Variants in CFAP299 observed in about 807,000 individuals in gnomAD.
CFAP299 encodes the protein cilia- and flagella-associated protein 299.
In CFAP299, 21 loss-of-function variants were observed where a neutral mutation model predicts 27.0. The ratio of observed to expected loss-of-function variants is 0.78; its 90% CI spans 0.55 to 1.12. CFAP299 has a LOEUF of 1.12. Ranked by LOEUF, CFAP299 falls within the 50% of genes most tolerant of loss-of-function variation. The pLI is 0.00. For synonymous variants in CFAP299, 104 were observed against 98.1 expected (o/e 1.06, Z -0.36); for missense variants, 310 against 276.6 (o/e 1.12, Z -0.86).
chr4:80,889,336 G>A (rs1734131135), intron 4 of CFAP299, among the ~76,000 whole-genome samples: 3 of 151,772 alleles, frequency 2.0e-5, no homozygotes, highest in African/African-American at 7.3e-5. Flanking sequence ...AACATTAGTG[G>A]CTACTATGAG....
At chr4:80,586,431 A>C (rs1304932025) in intron 3 of CFAP299, among the ~76,000 whole-genome samples, 2 of 152,128 alleles carry the variant, frequency 1.3e-5, no homozygotes, top group Non-Finnish European at 2.9e-5. Flanking sequence ...ACAGTTGCTT[A>C]TAGATTTTAT....
intron 4 of CFAP299, among the ~76,000 whole-genome samples, chr4:80,941,444 G>C (rs1422223878): frequency 6.6e-6 from 1 of 152,054 alleles, no homozygotes; most frequent in Non-Finnish European, 1.5e-5. Context: ...GGAATATACT[G>C]CATACTAGTT....
At chr4:80,603,795 C>T (rs558226071) in intron 3 of CFAP299, among the ~76,000 whole-genome samples, 2 of 152,238 alleles carry the variant, frequency 1.3e-5, no homozygotes, top group East Asian at 3.9e-4. Context: ...ATGGCTTTAA[C>T]ATATTGTCAA....
In CFAP299 at chr4:80,362,839, A is replaced by G. The variant is rs746828471; in HGVS notation, c.197A>G (p.Lys66Arg). 1.9e-6 allele frequency: 3 copies of G among 1,613,274 alleles called. No individual in the cohort carries two copies. The highest frequency in any genetic ancestry group is 2.5e-6 in the Non-Finnish European group (3 of 1,179,816). Residue 66 changes from lysine (K) to arginine (R), a missense_variant, in exon 2 of 6, where the codon AAA becomes AGA. By Grantham distance (26) the Lys-to-Arg change is conservative (BLOSUM62 2). Transcript: ENST00000358105. ...AAAAGGGAAGATTTTGAAGCAAGGA[A>G]AGCGGCTATAGAGATTGCAAGACTG... ...RVKREDFEAR[K>R]AAIEIARLAE...
intron 2 of CFAP299, among the ~76,000 whole-genome samples, chr4:80,367,572 A>C (rs1366126438): frequency 6.6e-6 from 1 of 152,096 alleles, no homozygotes; most frequent in African/African-American, 2.4e-5. Flanking sequence ...TTGGTATCCA[A>C]GGTGATGATG....
chr4:80,675,417 T>G (rs529743591), intron 3 of CFAP299, among the ~76,000 whole-genome samples: 2 of 152,300 alleles, frequency 1.3e-5, no homozygotes, highest in African/African-American at 4.8e-5. Context: ...CTCTGGAAGC[T>G]TCCTCCCAGA....
chr4:80,464,769 T>C (rs1413863658), intron 2 of CFAP299, among the ~76,000 whole-genome samples: 1 of 152,112 alleles, frequency 6.6e-6, no homozygotes, highest in African/African-American at 2.4e-5. Flanking sequence ...TACCTTGTCA[T>C]AATATTTTGA....
At chr4:80,611,543 A>G (rs1291485450) in intron 3 of CFAP299, among the ~76,000 whole-genome samples, 1 of 152,090 alleles carries the variant, frequency 6.6e-6, no homozygotes, top group Non-Finnish European at 1.5e-5. Context: ...ACCATACAGC[A>G]GGTGCACCTG....
At chr4:80,549,223 T>G (rs1734386644) in intron 2 of CFAP299, among the ~76,000 whole-genome samples, 1 of 151,768 alleles carries the variant, frequency 6.6e-6, no homozygotes, top group South Asian at 2.1e-4. Flanking sequence ...GTAAGGAAAA[T>G]TGATTGGAGA....
intron 3 of CFAP299, among the ~76,000 whole-genome samples, chr4:80,692,858 C>T (rs923550685): frequency 2.6e-5 from 4 of 151,906 alleles, no homozygotes; most frequent in African/African-American, 7.3e-5. Context: ...AAGAAAAAAA[C>T]AAACAACCCC....
intron 3 of CFAP299, among the ~76,000 whole-genome samples, chr4:80,762,776 C>T (rs902234448): frequency 2.6e-5 from 4 of 152,114 alleles, no homozygotes; most frequent in Admixed American, 2.0e-4. Flanking sequence ...CAAAGCCACA[C>T]TATTTTCCCA....
At chr4:80,804,022 T>C (rs1405716962) in intron 3 of CFAP299, among the ~76,000 whole-genome samples, 1 of 152,068 alleles carries the variant, frequency 6.6e-6, no homozygotes. Flanking sequence ...AAAAGGGCTT[T>C]GTGTAAAGCC....
At chr4:80,702,466 T>C (rs1721560847) in intron 3 of CFAP299, among the ~76,000 whole-genome samples, 2 of 151,882 alleles carry the variant, frequency 1.3e-5, no homozygotes, top group Admixed American at 1.3e-4. Flanking sequence ...TTACCAAATG[T>C]CTGAAATGTT....
intron 4 of CFAP299, among the ~76,000 whole-genome samples, chr4:80,876,787 A>G (rs575792900): frequency 3.9e-5 from 6 of 152,096 alleles, no homozygotes; most frequent in African/African-American, 1.2e-4. Context: ...CCTCAAATCC[A>G]TATCCCAATC....
At chr4:80,465,420 C>G (rs1024600909) in intron 2 of CFAP299, among the ~76,000 whole-genome samples, 2 of 152,126 alleles carry the variant, frequency 1.3e-5, no homozygotes, top group Non-Finnish European at 2.9e-5. Context: ...GGTTTGTCAC[C>G]TCAGACAAGA....
intron 2 of CFAP299, among the ~76,000 whole-genome samples, chr4:80,382,797 A>G (rs1328407141): frequency 3.3e-5 from 5 of 152,210 alleles, no homozygotes; most frequent in African/African-American, 7.2e-5. Context: ...CAGAACTACC[A>G]TCTGACCCAG....
chr4:80,672,381 T>G (rs1741535510), intron 3 of CFAP299, among the ~76,000 whole-genome samples: 1 of 152,218 alleles, frequency 6.6e-6, no homozygotes, highest in Non-Finnish European at 1.5e-5. Flanking sequence ...ATAAGGTTTT[T>G]GATGTGCTGC....
At chr4:80,943,021 G>C (rs543387773) in intron 4 of CFAP299, among the ~76,000 whole-genome samples, 1 of 152,142 alleles carries the variant, frequency 6.6e-6, no homozygotes, top group Admixed American at 6.5e-5. Flanking sequence ...CACTCCACTG[G>C]GGGGCTGAGC....
intron 3 of CFAP299, among the ~76,000 whole-genome samples, chr4:80,823,124 C>A (rs539542062): frequency 1.3e-5 from 2 of 152,226 alleles, no homozygotes; most frequent in Non-Finnish European, 2.9e-5. Context: ...TACTTAGCAC[C>A]TCCTATCTTG....
Sources: allele counts gnomAD v4.1 joint callset (sites outside exome capture counted in the v4.1 genomes callset), GRCh38; gene constraint gnomAD v4.1.1; transcripts MANE v1.5; gene names NCBI Gene and HGNC (gene_info 2026-07-23, HGNC 2026-07-21).